Variants in ROBO1 observed in about 807,000 individuals in gnomAD.
ROBO1 encodes roundabout homolog 1.
ROBO1 carries 149 observed loss-of-function variants against 195.9 expected under a neutral mutation model. The ratio of observed to expected loss-of-function variants is 0.76; its 90% CI spans 0.67 to 0.87. The LOEUF (loss-of-function observed/expected upper bound fraction) is 0.87, where lower values mean the gene tolerates loss of function less well. Among genes scored for constraint, ROBO1 ranks in the 40% least tolerant of loss-of-function variants. The pLI is 0.00. For missense variants in ROBO1, 1,933 were observed against 2,068.3 expected (o/e 0.93, Z 1.27); for synonymous variants, 816 against 733.2 (o/e 1.11, Z -1.82).
intron 3 of ROBO1, among the ~76,000 whole-genome samples, chr3:79,004,161 T>C (rs988071278): frequency 2.0e-5 from 3 of 152,190 alleles, no homozygotes; most frequent in Non-Finnish European, 4.4e-5. Flanking sequence ...AATTTGGTGC[T>C]ATACAACATT....
chr3:79,114,733 A>G (rs763054705), intron 3 of ROBO1, among the ~76,000 whole-genome samples: 4 of 152,144 alleles, frequency 2.6e-5, no homozygotes, highest in African/African-American at 7.2e-5. Flanking sequence ...TTTTTGGCTC[A>G]CATTTTTCAT....
At chr3:79,456,271 G>C (rs1440014869) in intron 2 of ROBO1, among the ~76,000 whole-genome samples, 3 of 152,102 alleles carry the variant, frequency 2.0e-5, no homozygotes, top group Non-Finnish European at 4.4e-5. Flanking sequence ...GATTTTTGGT[G>C]ATGAAATCTT....
intron 3 of ROBO1, among the ~76,000 whole-genome samples, chr3:79,120,017 C>A (rs1442116804): frequency 1.3e-5 from 2 of 152,148 alleles, no homozygotes; most frequent in African/African-American, 4.8e-5. Flanking sequence ...TGTAATCCAT[C>A]CACCTTGGCT....
intron 2 of ROBO1, among the ~76,000 whole-genome samples, chr3:79,331,500 A>AAATAAGTGTT (rs1425687005): frequency 2.6e-5 from 4 of 152,218 alleles, no homozygotes; most frequent in African/African-American, 9.6e-5. Context: ...CTTTTTTAAA[A>AAATAAGTGTT]AATAAGTGTT....
intron 2 of ROBO1, among the ~76,000 whole-genome samples, chr3:79,230,244 C>A (rs1218016433): frequency 2.0e-5 from 3 of 152,146 alleles, no homozygotes; most frequent in African/African-American, 7.2e-5. Flanking sequence ...GGATTGCAGA[C>A]TCTCTTTCTT....
chr3:78,718,204 C>T (rs911678546), intron 5 of ROBO1, among the ~76,000 whole-genome samples: 4 of 151,772 alleles, frequency 2.6e-5, no homozygotes, highest in Non-Finnish European at 4.4e-5. Context: ...TAAAAAATTG[C>T]GTGAATAATT....
chr3:78,618,252 T>G (rs1411845527), intron 26 of ROBO1, among the ~76,000 whole-genome samples: 3 of 152,236 alleles, frequency 2.0e-5, no homozygotes, highest in Non-Finnish European at 4.4e-5. Context: ...GGTTACTTTC[T>G]GATTCAAGTT....
At chr3:79,069,038 G>A (rs2079046429) in intron 3 of ROBO1, among the ~76,000 whole-genome samples, 1 of 151,576 alleles carries the variant, frequency 6.6e-6, no homozygotes, top group African/African-American at 2.4e-5. Context: ...CTCAACAGAA[G>A]ACCAATGTTT....
intron 2 of ROBO1, among the ~76,000 whole-genome samples, chr3:79,580,407 A>G (rs999568655): frequency 2.0e-5 from 3 of 151,538 alleles, no homozygotes; most frequent in East Asian, 2.0e-4. Context: ...CCTTGAGCCC[A>G]GGAGGCAAAG....
chr3:79,226,338 C>T (rs2082226110), intron 2 of ROBO1, among the ~76,000 whole-genome samples: 1 of 152,086 alleles, frequency 6.6e-6, no homozygotes, highest in African/African-American at 2.4e-5. Flanking sequence ...TGATCTCTAA[C>T]TTAAAGAGGA....
intron 4 of ROBO1, among the ~76,000 whole-genome samples, chr3:78,896,466 T>A (rs1332326460): frequency 5.9e-5 from 9 of 151,610 alleles, no homozygotes. Flanking sequence ...CTTAAGAAGA[T>A]TATTTGTAAC....
At chr3:78,874,482 C>T (rs534656696) in intron 4 of ROBO1, among the ~76,000 whole-genome samples, 8 of 151,510 alleles carry the variant, frequency 5.3e-5, no homozygotes, top group East Asian at 1.9e-4. Flanking sequence ...ACTAATACAC[C>T]GTAATAATAC....
chr3:78,942,586 C>T (rs1409341731), intron 3 of ROBO1, among the ~76,000 whole-genome samples: 1 of 152,086 alleles, frequency 6.6e-6, no homozygotes, highest in Non-Finnish European at 1.5e-5. Context: ...TAATTCTATT[C>T]AGTATGAGAC....
chr3:78,937,122 AT>A lies in ROBO1; in HGVS notation c.499+1478del, dbSNP rs1203378529. Reference sequence around the variant, plus strand: ...ATTATATTTTACACTCATATCAGAAATTTTTGGCATTCTGTCTTAAGTAATA... The same window carrying A: ...ATTATATTTTACACTCATATCAGAAATTTTGGCATTCTGTCTTAAGTAATA... On this transcript the variant is annotated intron_variant, in intron 4 of 30. Transcript: ENST00000464233. Among the ~76,000 whole-genome samples the A allele has an allele frequency of 4.6e-5, 7 of 152,206 alleles. No individual in the cohort carries two copies. In the East Asian group the frequency reaches 1.4e-3, roughly 29 times the overall value.
chr3:79,729,221 A>T (rs547717017), intron 1 of ROBO1, among the ~76,000 whole-genome samples: 2 of 152,100 alleles, frequency 1.3e-5, no homozygotes, highest in Non-Finnish European at 2.9e-5. Flanking sequence ...CTTTACAACT[A>T]ACTTTGAACA....
intron 27 of ROBO1, among the ~76,000 whole-genome samples, chr3:78,616,032 T>G (rs1413695604): frequency 1.3e-5 from 2 of 152,272 alleles, no homozygotes; most frequent in South Asian, 4.1e-4. Context: ...ACTATTACAA[T>G]TAAAGTTACA....
intron 1 of ROBO1, among the ~76,000 whole-genome samples, chr3:79,604,675 C>G (rs1944431531): frequency 6.6e-6 from 1 of 152,022 alleles, no homozygotes; most frequent in Admixed American, 6.6e-5. Context: ...TAAGTTATTG[C>G]TTTCTACATT....
chr3:78,782,671 TTTA>T (rs2083714185), intron 4 of ROBO1, among the ~76,000 whole-genome samples: 1 of 152,346 alleles, frequency 6.6e-6, no homozygotes, highest in African/African-American at 2.4e-5. Context: ...CACCACTGTT[TTTA>T]TTTTCTACTT....
chr3:79,147,044 G>A (rs917710141), intron 2 of ROBO1, among the ~76,000 whole-genome samples: 22 of 151,922 alleles, frequency 1.4e-4, no homozygotes, highest in African/African-American at 5.3e-4. Flanking sequence ...CAGTGTAAAA[G>A]CGTCTCTGAT....
Sources: gnomAD v4.1 joint callset for allele counts (sites outside exome capture counted in the v4.1 genomes callset) on GRCh38, gnomAD v4.1.1 for gene constraint, MANE v1.5 for transcripts, NCBI Gene and HGNC (gene_info 2026-07-23, HGNC 2026-07-21) for gene names.